The following RSPH9 variants were observed in gnomAD, a reference collection of about 807,000 sequenced individuals.
The protein encoded by RSPH9 is radial spoke head protein 9 homolog.
Under a neutral mutation model 27.0 loss-of-function variants are expected in RSPH9, and 27 were observed. The ratio of observed to expected loss-of-function variants is 1.00; its 90% CI spans 0.74 to 1.38. The LOEUF is 1.38. RSPH9 is among the 40% of genes most tolerant of loss of function. The probability of loss-of-function intolerance (pLI) is 0.00; values close to 1 mark genes in which losing one functional copy is unlikely to be tolerated. For missense variants in RSPH9, 347 were observed against 357.4 expected, an observed-to-expected ratio of 0.97 and a Z score of 0.24; for synonymous variants, 145 against 147.7, an observed-to-expected ratio of 0.98 and a Z score of 0.13.
chr6:43,664,103 C>T (rs1180374790), intron 4 of RSPH9, among the ~76,000 whole-genome samples: 1 of 151,630 alleles, frequency 6.6e-6, no homozygotes, highest in East Asian at 1.9e-4. Context: ...TGAGCATATG[C>T]TGTTGGAAAA....
intron 1 of RSPH9, among the ~76,000 whole-genome samples, chr6:43,646,494 C>G (rs1235628029): frequency 6.6e-6 from 1 of 151,034 alleles, no homozygotes; most frequent in African/African-American, 2.4e-5. Context: ...TTAGGCTGGT[C>G]TCGAACTCCT....
Position 43,670,946 on chromosome 6 carries a change from A to G in RSPH9, c.828A>G (p.Leu276=). 1.2e-6 allele frequency: 2 copies of G among 1,614,180 alleles called. No individual in the cohort carries two copies. Among genetic ancestry groups the G allele is most frequent in the East Asian group, 2.2e-5 (1 of 44,876 alleles). ...GEKNMDLPFM[L] Reference sequence around the variant, plus strand: ...AGAACATGGACTTGCCCTTCATGCTATAGAATGGGAGCCAGCCTGGATGTT... The same window carrying G: ...AGAACATGGACTTGCCCTTCATGCTGTAGAATGGGAGCCAGCCTGGATGTT... The change falls in exon 5 of 5, where the codon CTA becomes CTG. Residue 276 remains leucine (L), a synonymous_variant. Transcript: ENST00000372163.
chr6:43,657,040 G>A (rs1268875315), intron 4 of RSPH9, among the ~76,000 whole-genome samples: 4 of 152,302 alleles, frequency 2.6e-5, no homozygotes, highest in African/African-American at 9.6e-5. Flanking sequence ...GAAAATACTA[G>A]CCATACTTAC....
At chr6:43,664,820 C>A (rs1411437852) in intron 4 of RSPH9, among the ~76,000 whole-genome samples, 1 of 152,214 alleles carries the variant, frequency 6.6e-6, no homozygotes, top group African/African-American at 2.4e-5. Context: ...CCCCTCATCT[C>A]CTCCATCTCT....
At chr6:43,663,208 T>A (rs1772808266) in intron 4 of RSPH9, among the ~76,000 whole-genome samples, 1 of 146,174 alleles carries the variant, frequency 6.8e-6, no homozygotes. Context: ...GAGGCTATTG[T>A]AGAGTTATTT....
intron 4 of RSPH9, chr6:43,666,494 C>G (rs1400032402): frequency 2.6e-6 from 4 of 1,550,294 alleles, no homozygotes; most frequent in South Asian, 1.2e-5. Flanking sequence ...GGCCCTGTTC[C>G]TGGGACTCCT....
chr6:43,669,263 G>A (rs774874588), intron 4 of RSPH9, among the ~76,000 whole-genome samples: 3 of 152,230 alleles, frequency 2.0e-5, no homozygotes, highest in African/African-American at 4.8e-5. Context: ...GCCACTGCAC[G>A]GTGCTAAAGT....
rs1237143473 is a variant in RSPH9, at chr6:43,672,353, A to G, written c.*1404A>G. On this transcript the variant is annotated 3_prime_UTR_variant, in exon 5 of 5. Transcript: ENST00000372163. ...CCTTCAGGGAACTCCCCAGGGTACTATAACTGGTATAAGACCCCTGCCCCT... is the reference window on the plus strand; with the variant it reads ...CCTTCAGGGAACTCCCCAGGGTACTGTAACTGGTATAAGACCCCTGCCCCT... 2 of 472,514 alleles carry G rather than the reference A, an allele frequency of 4.2e-6. 1 individual carries two copies. The highest frequency in any genetic ancestry group is 3.1e-5 in the South Asian group (2 of 64,572). 29.3% of individuals were successfully genotyped at this position (472,514 alleles called of 1,614,324 possible).
rs1229628342 is a variant in RSPH9, at chr6:43,671,367, A to G, written c.*418A>G. On this transcript the variant is annotated 3_prime_UTR_variant, in exon 5 of 5. Transcript: ENST00000372163. The stretch of plus-strand genomic sequence containing the variant: ...ATTGACTCATTGGCCCCATCACAAG[A>G]GATCAGTGACTCAATGCTCAGCACC... The G allele has an allele frequency of 1.5e-5, 6 of 397,880 alleles. No homozygotes were observed. Among genetic ancestry groups the G allele is most frequent in the Admixed American group, 8.0e-5 (2 of 24,992 alleles). 24.6% of individuals were successfully genotyped at this position (397,880 alleles called of 1,614,324 possible). A position where few individuals can be genotyped will look rare whatever the true frequency, so the allele number is the denominator to read the frequency against.
chr6:43,659,608 G>A lies in RSPH9; in HGVS notation c.670+2885G>A, dbSNP rs374001624. ...TGTGTTAGCCAGGGTGGTCTCAATCGCCTGACCTCGTGATCCGCCTGCCTC... is the reference window on the plus strand; with the variant it reads ...TGTGTTAGCCAGGGTGGTCTCAATCACCTGACCTCGTGATCCGCCTGCCTC... On this transcript the variant is annotated intron_variant, in intron 4 of 4. Coordinates refer to ENST00000372163, the MANE Select transcript of RSPH9 (RefSeq NM_152732.5). 4.5e-3 allele frequency among the ~76,000 whole-genome samples: 677 copies of A among 151,860 alleles called. 4 individuals are homozygous for A. Among genetic ancestry groups the A allele is most frequent in the Non-Finnish European group, 6.8e-3 (465 of 67,902 alleles).
chr6:43,653,754 G>A (rs933634995), intron 2 of RSPH9, among the ~76,000 whole-genome samples: 60 of 152,092 alleles, frequency 3.9e-4, no homozygotes, highest in Non-Finnish European at 1.0e-4. Context: ...GTGCAATGGC[G>A]TGGTCTCGGC....
At chr6:43,662,862 T>C (rs541447114) in intron 4 of RSPH9, among the ~76,000 whole-genome samples, 9 of 152,284 alleles carry the variant, frequency 5.9e-5, no homozygotes, top group African/African-American at 1.9e-4. Context: ...AGTGGCATGA[T>C]CATAACTCAT....
chr6:43,660,687 T>C (rs1337840747), intron 4 of RSPH9, among the ~76,000 whole-genome samples: 1 of 152,030 alleles, frequency 6.6e-6, no homozygotes, highest in African/African-American at 2.4e-5. Flanking sequence ...GTAGTCTCAA[T>C]CTCCTGACCT....
intron 1 of RSPH9, among the ~76,000 whole-genome samples, chr6:43,649,462 C>A (rs2127888820): frequency 6.6e-6 from 1 of 152,120 alleles, no homozygotes; most frequent in African/African-American, 2.4e-5. Context: ...CAAGTGTGAG[C>A]CACCGCGCCT....
chr6:43,658,747 TG>T (rs2127915307), intron 4 of RSPH9, among the ~76,000 whole-genome samples: 1 of 152,236 alleles, frequency 6.6e-6, no homozygotes, highest in South Asian at 2.1e-4. Flanking sequence ...GGTTTCACCT[TG>T]TTAGCCAGGA....
intron 4 of RSPH9, among the ~76,000 whole-genome samples, chr6:43,658,163 G>A (rs548287900): frequency 2.6e-5 from 4 of 151,974 alleles, no homozygotes; most frequent in Non-Finnish European, 4.4e-5. Context: ...GGTAGCACAC[G>A]CTTGTAAACC....
intron 2 of RSPH9, 111 bp from the exon 3 acceptor site, chr6:43,655,450 TG>T: frequency 8.6e-7 from 1 of 1,162,410 alleles, no homozygotes; most frequent in Non-Finnish European, 1.3e-6. Flanking sequence ...TGTGTGGCTC[TG>T]GGGTCCACTA....
chr6:43,662,327 C>T (rs1772712131), intron 4 of RSPH9, among the ~76,000 whole-genome samples: 2 of 151,954 alleles, frequency 1.3e-5, no homozygotes. Context: ...CTATCTAGAC[C>T]ACTCAAACTT....
chr6:43,669,251 T>A (rs1443935734), intron 4 of RSPH9, among the ~76,000 whole-genome samples: 1 of 152,218 alleles, frequency 6.6e-6, no homozygotes. Context: ...CACTTGGTGC[T>A]GGCCACTGCA....
Sources: gnomAD v4.1 joint callset for allele counts (sites outside exome capture counted in the v4.1 genomes callset) on GRCh38, gnomAD v4.1.1 for gene constraint, MANE v1.5 for transcripts, NCBI Gene and HGNC (gene_info 2026-07-23, HGNC 2026-07-21) for gene names.